MACROD2: variants seen among roughly 807,000 people sequenced by gnomAD.
MACROD2 encodes the protein ADP-ribose glycohydrolase MACROD2.
In MACROD2, 36 loss-of-function variants were observed where a neutral mutation model predicts 70.4. The observed-to-expected ratio is 0.51, with a 90% CI of 0.39 to 0.68. The LOEUF (loss-of-function observed/expected upper bound fraction) is 0.68. MACROD2 is among the 30% of genes least tolerant of loss of function. The probability of loss-of-function intolerance (pLI) is 0.00; values close to 1 mark genes in which losing one functional copy is unlikely to be tolerated. For synonymous variants in MACROD2, 172 were observed against 178.8 expected (o/e 0.96, Z 0.30); for missense variants, 496 against 538.4 (o/e 0.92, Z 0.78).
At chr20:15,666,127 T>G (rs2049894277) in intron 8 of MACROD2, among the ~76,000 whole-genome samples, 1 of 152,200 alleles carries the variant, frequency 6.6e-6, no homozygotes, top group African/African-American at 2.4e-5. Context: ...TCTTAAGACC[T>G]TCATAAAATT....
intron 5 of MACROD2, among the ~76,000 whole-genome samples, chr20:15,149,581 A>G (rs456475): frequency 0.18 from 27,344 of 151,886 alleles, 3,380 homozygotes; most frequent in African/African-American, 0.33. Flanking sequence ...AGCAGAAAGT[A>G]TATGCGTCAG....
chr20:15,981,706 A>T (rs1266880252), intron 13 of MACROD2, among the ~76,000 whole-genome samples: 1 of 151,766 alleles, frequency 6.6e-6, no homozygotes, highest in Non-Finnish European at 1.5e-5. Flanking sequence ...GCGTCTTTGA[A>T]CCTCCTTTCT....
At chr20:14,210,701 G>A (rs2081563728) in intron 3 of MACROD2, among the ~76,000 whole-genome samples, 1 of 152,172 alleles carries the variant, frequency 6.6e-6, no homozygotes, top group African/African-American at 2.4e-5. Context: ...TGTATCCACT[G>A]TGATGATTAA....
At chr20:15,490,442 G>T (rs1490214282) in intron 7 of MACROD2, among the ~76,000 whole-genome samples, 1 of 151,850 alleles carries the variant, frequency 6.6e-6, no homozygotes, top group Non-Finnish European at 1.5e-5. Context: ...TTTTAATTTT[G>T]TAGAGATAAG....
At chr20:15,034,623 G>A (rs1028787662) in intron 5 of MACROD2, among the ~76,000 whole-genome samples, 1 of 151,908 alleles carries the variant, frequency 6.6e-6, no homozygotes, top group African/African-American at 2.4e-5. Context: ...CATTTTTTTG[G>A]TCAAAATCAG....
At chr20:15,745,647 A>G (rs980253059) in intron 8 of MACROD2, among the ~76,000 whole-genome samples, 7 of 152,122 alleles carry the variant, frequency 4.6e-5, no homozygotes, top group African/African-American at 9.7e-5. Context: ...ACTTAAAAGT[A>G]TTTTCCTATA....
intron 8 of MACROD2, among the ~76,000 whole-genome samples, chr20:15,516,820 C>T (rs908938119): frequency 3.9e-5 from 6 of 152,102 alleles, no homozygotes; most frequent in Non-Finnish European, 5.9e-5. Flanking sequence ...TGACTGTAGC[C>T]GCAAATCACA....
intron 3 of MACROD2, among the ~76,000 whole-genome samples, chr20:14,328,000 AT>A (rs2082766636): frequency 1.3e-5 from 2 of 152,028 alleles, no homozygotes; most frequent in South Asian, 4.1e-4. Flanking sequence ...AAAACCACAC[AT>A]TTTTATATTT....
intron 2 of MACROD2, among the ~76,000 whole-genome samples, chr20:14,049,467 G>A (rs755624285): frequency 1.3e-5 from 2 of 151,904 alleles, no homozygotes; most frequent in East Asian, 1.9e-4. Flanking sequence ...TAGGCTGGGC[G>A]AGGTGGCTCA....
chr20:15,370,419 A>G (rs1303053280), intron 6 of MACROD2, among the ~76,000 whole-genome samples: 1 of 152,112 alleles, frequency 6.6e-6, no homozygotes, highest in Non-Finnish European at 1.5e-5. Context: ...AAGAACCAAT[A>G]TTTCTATGGT....
At chr20:15,144,077 AG>A (rs141919374) in intron 5 of MACROD2, among the ~76,000 whole-genome samples, 14,253 of 152,120 alleles carry the variant, frequency 0.094, 698 homozygotes, top group South Asian at 0.14. Context: ...ACGGTGCCAA[AG>A]CATGAATGTT....
chr20:14,305,227 TA>T (rs1308344100), intron 3 of MACROD2, among the ~76,000 whole-genome samples: 1 of 152,182 alleles, frequency 6.6e-6, no homozygotes, highest in Non-Finnish European at 1.5e-5. Context: ...ATCTAAAATA[TA>T]GACCTCTTTC....
chr20:14,168,065 G>C (rs907312186), intron 3 of MACROD2, among the ~76,000 whole-genome samples: 1 of 152,062 alleles, frequency 6.6e-6, no homozygotes, highest in African/African-American at 2.4e-5. Context: ...CCTTCAGAGA[G>C]GACATTAATC....
intron 5 of MACROD2, among the ~76,000 whole-genome samples, chr20:15,030,754 G>T (rs2075268409): frequency 6.6e-6 from 1 of 152,202 alleles, no homozygotes; most frequent in Admixed American, 6.5e-5. Flanking sequence ...GTGACAAAAA[G>T]AAGATTACAG....
At chr20:14,719,639 C>T (rs11906272) in intron 5 of MACROD2, among the ~76,000 whole-genome samples, 1,681 of 152,178 alleles carry the variant, frequency 0.011, 33 homozygotes, top group African/African-American at 0.039. Flanking sequence ...ATTAAACCAT[C>T]CTAAAATGTG....
chr20:15,776,014 A>T (rs1299002078), intron 8 of MACROD2, among the ~76,000 whole-genome samples: 1 of 152,212 alleles, frequency 6.6e-6, no homozygotes, highest in Non-Finnish European at 1.5e-5. Context: ...CCCTAAGGCA[A>T]ATATATTTCA....
intron 5 of MACROD2, among the ~76,000 whole-genome samples, chr20:15,131,811 A>G (rs2076107717): frequency 6.6e-6 from 1 of 151,990 alleles, no homozygotes; most frequent in African/African-American, 2.4e-5. Flanking sequence ...AACAAAAGAA[A>G]CATTACATTT....
intron 5 of MACROD2, chr20:14,895,426 A>C (rs1048423986): frequency 6.6e-6 from 1 of 152,040 alleles, no homozygotes; most frequent in Non-Finnish European, 1.5e-5. Context: ...CGGAGGGCTT[A>C]CTCTCCACCT....
At chr20:14,287,852 C>T (rs2082357153) in intron 3 of MACROD2, among the ~76,000 whole-genome samples, 1 of 152,140 alleles carries the variant, frequency 6.6e-6, no homozygotes, top group Non-Finnish European at 1.5e-5. Flanking sequence ...AGATCACCCT[C>T]AGTTCCTTGA....
Sources: allele counts gnomAD v4.1 joint callset (sites outside exome capture counted in the v4.1 genomes callset), GRCh38; gene constraint gnomAD v4.1.1; transcripts MANE v1.5; gene names NCBI Gene and HGNC (gene_info 2026-07-23, HGNC 2026-07-21).